Variants in DIPK1A observed in about 807,000 individuals in gnomAD.
DIPK1A encodes divergent protein kinase domain 1A.
A neutral mutation model predicts 40.8 loss-of-function variants in DIPK1A; 27 were observed. The observed-to-expected ratio is 0.66, with a 90% CI of 0.49 to 0.91. The LOEUF is 0.91. DIPK1A is among the 40% of genes least tolerant of loss of function. The pLI, the probability that DIPK1A is intolerant of heterozygous loss-of-function variation, is 0.00. For missense variants in DIPK1A, 412 were observed against 505.7 expected (o/e 0.81, Z 1.78); for synonymous variants, 166 against 171.3 (o/e 0.97, Z 0.24).
At chr1:92,921,758 T>C (rs568262180) in intron 1 of DIPK1A, among the ~76,000 whole-genome samples, 39 of 152,274 alleles carry the variant, frequency 2.6e-4, no homozygotes, top group Admixed American at 1.3e-3. Flanking sequence ...GTCAGTAAGA[T>C]AGTGAAAGCA....
intron 1 of DIPK1A, among the ~76,000 whole-genome samples, chr1:92,940,917 C>T (rs903557250): frequency 4.6e-5 from 7 of 152,172 alleles, no homozygotes; most frequent in African/African-American, 1.7e-4. Flanking sequence ...ATCTATATAG[C>T]TTTGGTAAAA....
intron 1 of DIPK1A, among the ~76,000 whole-genome samples, chr1:92,893,170 C>T (rs1201749439): frequency 6.0e-5 from 9 of 150,492 alleles, no homozygotes; most frequent in East Asian, 3.9e-4. Context: ...AGATACTCCT[C>T]GAGAAGAGCA....
chr1:92,851,534 C>T (rs1427680863), intron 2 of DIPK1A, among the ~76,000 whole-genome samples: 2 of 22,138 alleles, frequency 9.0e-5, no homozygotes, highest in African/African-American at 1.2e-4. Context: ...GAGAGTGAGA[C>T]CCTATCTCAA....
At chr1:92,835,400 C>T (rs1467732996) in intron 4 of DIPK1A, 4 of 199,320 alleles carry the variant, frequency 2.0e-5, no homozygotes, top group South Asian at 9.0e-5. Flanking sequence ...CACTTATAAT[C>T]CCAGCACTTT....
At chr1:92,916,448 C>T (rs926387125) in intron 1 of DIPK1A, among the ~76,000 whole-genome samples, 1 of 151,710 alleles carries the variant, frequency 6.6e-6, no homozygotes, top group African/African-American at 2.4e-5. Flanking sequence ...ATTACAGGTG[C>T]CCGCCCCCAT....
chr1:92,846,462 G>A (rs1319613965), intron 4 of DIPK1A: 3 of 267,138 alleles, frequency 1.1e-5, no homozygotes, highest in African/African-American at 2.3e-5. Context: ...GCCTCTAATA[G>A]CCACAATTCT....
chr1:92,840,709 T>TG (rs1687323468), downstream of DIPK1A: 2 of 1,131,680 alleles, frequency 1.8e-6, no homozygotes, highest in Non-Finnish European at 2.7e-6. Context: ...GGCAGACTGT[T>TG]GGTGTAATTG....
At chr1:92,880,104 A>G (rs895442277) in intron 1 of DIPK1A, among the ~76,000 whole-genome samples, 12 of 152,220 alleles carry the variant, frequency 7.9e-5, no homozygotes, top group Non-Finnish European at 1.8e-4. Context: ...CTTGTGGGGT[A>G]GCAGCCAGAG....
chr1:92,895,040 ACCAG>A (rs745493888), intron 1 of DIPK1A, among the ~76,000 whole-genome samples: 19 of 152,126 alleles, frequency 1.2e-4, no homozygotes, highest in Non-Finnish European at 2.6e-4. Flanking sequence ...AAAGTCCAGG[ACCAG>A]ATGGACTCAC....
intron 4 of DIPK1A, chr1:92,836,559 C>T: frequency 1.5e-6 from 1 of 655,754 alleles, no homozygotes; most frequent in African/African-American, 1.8e-5. Context: ...AATTATAGCC[C>T]ATTTTATAAA....
intron 1 of DIPK1A, among the ~76,000 whole-genome samples, chr1:92,901,610 G>A (rs927486134): frequency 3.9e-5 from 6 of 152,018 alleles, no homozygotes; most frequent in South Asian, 2.1e-4. Context: ...GAGCCAATAC[G>A]GCTCAGTAAC....
intron 2 of DIPK1A, among the ~76,000 whole-genome samples, chr1:92,859,265 T>C (rs1241860093): frequency 6.6e-6 from 1 of 152,154 alleles, no homozygotes; most frequent in African/African-American, 2.4e-5. Context: ...TGCCTGAAAA[T>C]CTTCCACGTC....
At chr1:92,846,841 A>G (rs1237889691) in intron 4 of DIPK1A, among the ~76,000 whole-genome samples, 56 of 2,058 alleles carry the variant, frequency 0.027, 11 homozygotes, top group African/African-American at 0.14. Context: ...ATATATATAT[A>G]TGTGTGTATA....
At chr1:92,851,946 G>T (rs1455916038) in intron 2 of DIPK1A, among the ~76,000 whole-genome samples, 1 of 152,146 alleles carries the variant, frequency 6.6e-6, no homozygotes, top group East Asian at 1.9e-4. Flanking sequence ...GATAAGACAG[G>T]CCTGAATGAT....
rs565252580 is a variant in DIPK1A at position 92,843,314 on chromosome 1, T to G, written c.*69A>C. ...AACTGGCCGGAATTTGAAGCCATTT[T>G]TTTTTAATGCTCAAAATTGTTCTTT... On this transcript the variant is annotated 3_prime_UTR_variant, in exon 5 of 5. Coordinates refer to ENST00000370310, the MANE Select transcript of DIPK1A (RefSeq NM_001006605.5). 4.1e-6 allele frequency: 6 copies of G among 1,455,538 alleles called. No individual in the cohort carries two copies. In the East Asian group the frequency reaches 1.5e-4, roughly 36 times the overall value. The allele number at this position is 1,455,538 out of a possible 1,614,324, so 90.2% of individuals were successfully genotyped here. A position where few individuals can be genotyped will look rare whatever the true frequency, so the allele number is the denominator to read the frequency against.
intron 1 of DIPK1A, among the ~76,000 whole-genome samples, chr1:92,902,907 T>C (rs546230723): frequency 6.6e-6 from 1 of 152,328 alleles, no homozygotes; most frequent in East Asian, 1.9e-4. Flanking sequence ...ACGAGGGGCT[T>C]CTAGTCGGCC....
chr1:92,948,696 C>CATATGTGTATATAT (rs1651493062), intron 1 of DIPK1A, among the ~76,000 whole-genome samples: 1 of 80,412 alleles, frequency 1.2e-5, no homozygotes, highest in African/African-American at 4.3e-5. Context: ...TGTATATATA[C>CATATGTGTATATAT]ACATATGTAT....
chr1:92,907,855 T>A (rs764075072), intron 1 of DIPK1A, among the ~76,000 whole-genome samples: 1 of 150,606 alleles, frequency 6.6e-6, no homozygotes, highest in Non-Finnish European at 1.5e-5. Flanking sequence ...TCGATCTTGA[T>A]AAGAAAATTT....
At chr1:92,849,691 T>A (rs1051589623) in intron 3 of DIPK1A, among the ~76,000 whole-genome samples, 6 of 152,052 alleles carry the variant, frequency 3.9e-5, no homozygotes, top group African/African-American at 1.2e-4. Context: ...TTTTTGTGTT[T>A]TTAGTAGAGA....
Sources: gnomAD v4.1 joint callset for allele counts (sites outside exome capture counted in the v4.1 genomes callset) on GRCh38, gnomAD v4.1.1 for gene constraint, MANE v1.5 for transcripts, NCBI Gene and HGNC (gene_info 2026-07-23, HGNC 2026-07-21) for gene names.